Variants in EBF1 observed in about 807,000 individuals in gnomAD.
The protein encoded by EBF1 is EBF transcription factor 1.
EBF1 carries 10 observed loss-of-function variants against 68.4 expected under a neutral mutation model. The observed-to-expected ratio is 0.15, with a 90% confidence interval of 0.09 to 0.25. The LOEUF (loss-of-function observed/expected upper bound fraction) is 0.25. Ranked by LOEUF, EBF1 falls within the 10% of genes least tolerant of loss-of-function variation. EBF1 has a pLI of 1.00. For missense variants in EBF1, 509 were observed against 794.4 expected, an observed-to-expected ratio of 0.64 and a Z score of 4.32; for synonymous variants, 298 against 299.8, an observed-to-expected ratio of 0.99 and a Z score of 0.06.
rs553388724 is a variant in EBF1, at chr5:159,076,410, G to A, written c.486-2946C>T. On this transcript the variant is annotated intron_variant, in intron 5 of 15. Coordinates refer to ENST00000313708, the MANE Select transcript of EBF1 (RefSeq NM_024007.5). ...ACCTCCCCCAAGCATGCCACACCAG[G>A]CCTGAGATTTTTCCTTTTCACTTAA... 7.1e-4 allele frequency among the ~76,000 whole-genome samples: 108 copies of A among 152,234 alleles called. 2 individuals are homozygous for A. In the South Asian group the frequency reaches 0.022, roughly 31 times the overall value.
At chr5:158,784,163 C>T (rs1183600031) in intron 9 of EBF1, among the ~76,000 whole-genome samples, 1 of 152,094 alleles carries the variant, frequency 6.6e-6, no homozygotes, top group Non-Finnish European at 1.5e-5. Flanking sequence ...GATTTACATC[C>T]TGTAGTATTA....
chr5:158,998,369 T>A (rs1271562888), intron 6 of EBF1, among the ~76,000 whole-genome samples: 2 of 152,152 alleles, frequency 1.3e-5, no homozygotes, highest in Non-Finnish European at 2.9e-5. Flanking sequence ...CCCCTAACCC[T>A]GCCTTATTTT....
chr5:158,938,534 A>C (rs566616927), intron 6 of EBF1, among the ~76,000 whole-genome samples: 1 of 152,338 alleles, frequency 6.6e-6, no homozygotes, highest in East Asian at 1.9e-4. Context: ...GCTGATAAAC[A>C]AAGGAAATGT....
intron 9 of EBF1, among the ~76,000 whole-genome samples, chr5:158,795,351 C>T (rs1418898186): frequency 6.6e-6 from 1 of 152,112 alleles, no homozygotes; most frequent in Middle Eastern, 3.2e-3. Flanking sequence ...GCTTCACTAT[C>T]CTTATCAAGA....
In EBF1 at chr5:158,696,312, G is replaced by A. The variant is rs1755747746; in HGVS notation, c.*2799C>T. On this transcript the variant is annotated 3_prime_UTR_variant, in exon 16 of 16. Transcript: ENST00000313708. ...TTTGTGGAGAAGAAAGAGGATCAGA[G>A]GGCCAGAATGTCTTTTCATCTAATC... The A allele has an allele frequency of 4.5e-6, 1 of 220,814 alleles. No homozygotes were observed. The allele number at this position is 220,814 out of a possible 1,614,324, so 13.7% of individuals were successfully genotyped here. A position where few individuals can be genotyped will look rare whatever the true frequency, so the allele number is the denominator to read the frequency against.
chr5:159,003,846 T>C (rs1229984241), intron 6 of EBF1, among the ~76,000 whole-genome samples: 1 of 152,202 alleles, frequency 6.6e-6, no homozygotes, highest in Non-Finnish European at 1.5e-5. Context: ...GTGGCTCCTT[T>C]GAGATCATGG....
At chr5:158,868,670 C>T (rs1312886708) in intron 6 of EBF1, among the ~76,000 whole-genome samples, 6 of 152,190 alleles carry the variant, frequency 3.9e-5, no homozygotes, top group Non-Finnish European at 7.3e-5. Flanking sequence ...ACATGGTGTG[C>T]AACAGTACAG....
rs561274672 is a variant in EBF1 at position 159,022,602 on chromosome 5, T to C, written c.554+50794A>G. Among the ~76,000 whole-genome samples, 47 of 152,318 alleles carry C rather than the reference T, an allele frequency of 3.1e-4. 1 individual carries two copies. The highest frequency in any genetic ancestry group is 1.0e-3 in the African/African-American group (42 of 41,566). ...TAGGGATTAACCGTAAAAACACTAA[T>C]TAAGGATGGGCTAAGGAATTAGGGG... On this transcript the variant is annotated intron_variant, in intron 6 of 15. Transcript: ENST00000313708.
intron 6 of EBF1, among the ~76,000 whole-genome samples, chr5:158,845,281 A>G (rs1791231742): frequency 6.6e-6 from 1 of 152,212 alleles, no homozygotes. Context: ...CCTGAACCTC[A>G]GTGGCCTCAT....
At chr5:158,960,030 C>G (rs1817864035) in intron 6 of EBF1, among the ~76,000 whole-genome samples, 1 of 152,114 alleles carries the variant, frequency 6.6e-6, no homozygotes, top group African/African-American at 2.4e-5. Flanking sequence ...AGACATAATA[C>G]CACACTCACT....
intron 7 of EBF1, among the ~76,000 whole-genome samples, chr5:158,830,175 A>G (rs1356916989): frequency 6.6e-6 from 1 of 152,222 alleles, no homozygotes; most frequent in East Asian, 1.9e-4. Flanking sequence ...GGAGTTTAAA[A>G]AAACAACTTC....
intron 6 of EBF1, among the ~76,000 whole-genome samples, chr5:159,031,734 A>C (rs1407848909): frequency 1.3e-5 from 2 of 152,208 alleles, no homozygotes; most frequent in Non-Finnish European, 2.9e-5. Context: ...GTGGAATGTA[A>C]AAATACATGG....
intron 4 of EBF1, among the ~76,000 whole-genome samples, chr5:159,090,233 G>C (rs1781384758): frequency 3.2e-5 from 4 of 126,352 alleles, no homozygotes; most frequent in Non-Finnish European, 3.3e-5. Flanking sequence ...AATTTCTACT[G>C]TTTGTCATTA....
At chr5:159,012,375 T>C (rs1764842364) in intron 6 of EBF1, among the ~76,000 whole-genome samples, 1 of 152,170 alleles carries the variant, frequency 6.6e-6, no homozygotes, top group East Asian at 1.9e-4. Context: ...GTTAAGAGTC[T>C]AATCATGGCC....
intron 6 of EBF1, among the ~76,000 whole-genome samples, chr5:158,967,821 CT>C (rs1448743752): frequency 6.6e-6 from 1 of 152,176 alleles, no homozygotes; most frequent in Non-Finnish European, 1.5e-5. Flanking sequence ...TAGTTTCCCC[CT>C]AGGGCAATGA....
chr5:159,042,053 C>T (rs1032509030), intron 6 of EBF1, among the ~76,000 whole-genome samples: 9 of 152,194 alleles, frequency 5.9e-5, no homozygotes, highest in Non-Finnish European at 1.2e-4. Context: ...ATTATAGCCC[C>T]TCAGCCACCA....
intron 6 of EBF1, among the ~76,000 whole-genome samples, chr5:158,906,496 A>T (rs180912086): frequency 6.6e-6 from 1 of 152,302 alleles, no homozygotes; most frequent in African/African-American, 2.4e-5. Flanking sequence ...AGTGTTTATT[A>T]TGTGTGGAGA....
chr5:158,819,160 T>A (rs924358524), intron 8 of EBF1, among the ~76,000 whole-genome samples: 1 of 152,152 alleles, frequency 6.6e-6, no homozygotes, highest in African/African-American at 2.4e-5. Context: ...ATATATCCCC[T>A]TTAAAAAAAT....
At chr5:159,051,708 A>G (rs1376673339) in intron 6 of EBF1, among the ~76,000 whole-genome samples, 1 of 152,122 alleles carries the variant, frequency 6.6e-6, no homozygotes, top group East Asian at 1.9e-4. Flanking sequence ...AGAGGCATTC[A>G]GAAGGGGGGG....
Sources: allele counts gnomAD v4.1 joint callset (sites outside exome capture counted in the v4.1 genomes callset), GRCh38; gene constraint gnomAD v4.1.1; transcripts MANE v1.5; gene names NCBI Gene and HGNC (gene_info 2026-07-23, HGNC 2026-07-21).